Variants in ITPR1 observed in about 807,000 individuals in gnomAD.
ITPR1 encodes inositol 1,4,5-trisphosphate-gated calcium channel ITPR1.
Under a neutral mutation model 318.4 loss-of-function variants are expected in ITPR1, and 96 were observed. The ratio of observed to expected loss-of-function variants is 0.30; its 90% CI spans 0.26 to 0.36. ITPR1 has a LOEUF of 0.36. ITPR1 is among the 10% of genes least tolerant of loss of function. The pLI is 1.00. For synonymous variants in ITPR1, 1,312 were observed against 1,289.9 expected, an observed-to-expected ratio of 1.02 and a Z score of -0.37; for missense variants, 2,440 against 3,460.2, an observed-to-expected ratio of 0.71 and a Z score of 7.40.
intron 4 of ITPR1, among the ~76,000 whole-genome samples, chr3:4,608,739 T>G (rs2091872829): frequency 6.6e-6 from 1 of 151,908 alleles, no homozygotes; most frequent in African/African-American, 2.4e-5. Flanking sequence ...CGGTGGCTCA[T>G]GCCTATAATC....
intron 51 of ITPR1, among the ~76,000 whole-genome samples, chr3:4,784,551 A>G (rs1430037780): frequency 6.7e-6 from 1 of 150,276 alleles, no homozygotes; most frequent in Non-Finnish European, 1.5e-5. Flanking sequence ...CATTACAATC[A>G]GATCTGTGTT....
At chr3:4,561,053 G>A (rs895236702) in intron 4 of ITPR1, among the ~76,000 whole-genome samples, 9 of 152,308 alleles carry the variant, frequency 5.9e-5, no homozygotes, top group African/African-American at 2.2e-4. Context: ...AGAACGAGGA[G>A]GAGAATCTTG....
rs548578427 is a variant in ITPR1, at chr3:4,681,624, A to AAGTATGTGTGTGTGTGT, written c.3161+206_3161+207insAGTATGTGTGTGTGTGT. On this transcript the variant is annotated intron_variant, in intron 26 of 61. Coordinates refer to ENST00000649015, the MANE Select transcript of ITPR1 (RefSeq NM_001378452.1). ...GAGAGTGAGAGAGAGAGAGAGAGAAAGTGTGTGTGTGTGTGTGTGTGTGTG... is the reference window on the plus strand; with the variant it reads ...GAGAGTGAGAGAGAGAGAGAGAGAAAAGTATGTGTGTGTGTGTGTGTGTGTGTGTGTGTGTGTGTGTG... 2.0e-4 allele frequency among the ~76,000 whole-genome samples: 29 copies of AAGTATGTGTGTGTGTGT among 145,896 alleles called. No individual in the cohort carries two copies. The East Asian group carries it at 5.5e-3, about 28-fold the overall frequency.
chr3:4,610,678 G>A (rs1001715530), intron 4 of ITPR1, among the ~76,000 whole-genome samples: 1 of 152,128 alleles, frequency 6.6e-6, no homozygotes, highest in African/African-American at 2.4e-5. Context: ...GGTTTAACCC[G>A]AAGTCCATGG....
intron 4 of ITPR1, among the ~76,000 whole-genome samples, chr3:4,586,747 A>T (rs562347465): frequency 1.1e-4 from 16 of 150,204 alleles, no homozygotes; most frequent in African/African-American, 3.7e-4. Flanking sequence ...TTTTTAATAC[A>T]ACTAGTCTCT....
chr3:4,709,800 T>C (rs747395504), intron 37 of ITPR1, among the ~76,000 whole-genome samples: 16 of 152,254 alleles, frequency 1.1e-4, no homozygotes, highest in Non-Finnish European at 1.8e-4. Context: ...GACTTTATTA[T>C]GTGAATAATT....
At chr3:4,652,050 T>G (rs2093609308) in intron 10 of ITPR1, 73 bp from the exon 11 acceptor site, 1 of 1,162,206 alleles carries the variant, frequency 8.6e-7, no homozygotes, top group South Asian at 1.3e-5. Context: ...AACTATGACT[T>G]GTGATACCTC....
intron 4 of ITPR1, among the ~76,000 whole-genome samples, chr3:4,521,584 G>A (rs1029151176): frequency 9.9e-5 from 15 of 152,066 alleles, no homozygotes; most frequent in African/African-American, 1.7e-4. Context: ...GCACAGTGGC[G>A]CATGCTTGTA....
chr3:4,702,719 C>G (rs1399064690), intron 35 of ITPR1, 111 bp from the exon 36 acceptor site: 1 of 1,182,796 alleles, frequency 8.5e-7, no homozygotes, highest in African/African-American at 1.5e-5. Context: ...CAGTGTCTGT[C>G]TCTGATCTGG....
intron 2 of ITPR1, among the ~76,000 whole-genome samples, chr3:4,494,718 A>G (rs2080415693): frequency 6.6e-6 from 1 of 152,224 alleles, no homozygotes; most frequent in Non-Finnish European, 1.5e-5. Context: ...TGAGAATTGA[A>G]GGAGCCTGAA....
In ITPR1 at chr3:4,809,886, C is replaced by T. The variant is rs149189770; in HGVS notation, c.7273-1379C>T. Among the ~76,000 whole-genome samples the T allele has an allele frequency of 2.0e-4, 30 of 152,328 alleles. 1 individual carries two copies. In the East Asian group the frequency reaches 5.4e-3, roughly 27 times the overall value. On this transcript the variant is annotated intron_variant, in intron 55 of 61. Coordinates refer to ENST00000649015, the MANE Select transcript of ITPR1 (RefSeq NM_001378452.1). ...CATTTAACCAACATTAACAGCAACA[C>T]TTTGCCTTCTGTCATATTGTATTGA...
At chr3:4,709,545 C>T (rs1559745527) in intron 37 of ITPR1, among the ~76,000 whole-genome samples, 1 of 152,216 alleles carries the variant, frequency 6.6e-6, no homozygotes, top group Non-Finnish European at 1.5e-5. Context: ...TGCCTGTAGG[C>T]AGGTTCTGAG....
At chr3:4,651,494 C>T (rs2093598878) in intron 10 of ITPR1, among the ~76,000 whole-genome samples, 1 of 152,200 alleles carries the variant, frequency 6.6e-6, no homozygotes. Context: ...GTTTGTTTCC[C>T]TATTCTCAGA....
intron 4 of ITPR1, among the ~76,000 whole-genome samples, chr3:4,567,454 G>T (rs1233988121): frequency 6.6e-6 from 1 of 152,086 alleles, no homozygotes; most frequent in East Asian, 1.9e-4. Flanking sequence ...GTTGATAATG[G>T]TTTGCAGTAT....
chr3:4,703,958 A>T (rs2094706049), intron 36 of ITPR1, among the ~76,000 whole-genome samples: 1 of 152,176 alleles, frequency 6.6e-6, no homozygotes, highest in Non-Finnish European at 1.5e-5. Flanking sequence ...CTTTTTCCAT[A>T]CAGGATTATC....
intron 51 of ITPR1, among the ~76,000 whole-genome samples, chr3:4,784,573 T>TG (rs2047048976): frequency 1.4e-5 from 2 of 145,442 alleles, no homozygotes; most frequent in Admixed American, 6.8e-5. Context: ...TTTGTTTTTT[T>TG]TTTTTTTTTA....
chr3:4,782,462 T>G, intron 49 of ITPR1, 157 bp from the exon 50 acceptor site: 2 of 606,112 alleles, frequency 3.3e-6, no homozygotes, highest in Non-Finnish European at 2.8e-6. Context: ...TGTGCCAGTG[T>G]CATGAAGGAT....
intron 24 of ITPR1, among the ~76,000 whole-genome samples, chr3:4,680,321 A>AT (rs951507536): frequency 2.0e-5 from 3 of 152,184 alleles, no homozygotes; most frequent in African/African-American, 7.2e-5. Flanking sequence ...AATTGCCAGG[A>AT]TGCTGAAGCT....
At chr3:4,825,473 C>A (rs963652835) in intron 60 of ITPR1, among the ~76,000 whole-genome samples, 3 of 152,148 alleles carry the variant, frequency 2.0e-5, no homozygotes, top group Non-Finnish European at 4.4e-5. Flanking sequence ...TGCAAAAGAG[C>A]CTTTTTGCCT....
Sources: gnomAD v4.1 joint callset for allele counts (sites outside exome capture counted in the v4.1 genomes callset) on GRCh38, gnomAD v4.1.1 for gene constraint, MANE v1.5 for transcripts, NCBI Gene and HGNC (gene_info 2026-07-23, HGNC 2026-07-21) for gene names.